Variants in TRPM3 observed in about 807,000 individuals in gnomAD.
TRPM3 encodes long transient receptor potential channel 3.
A neutral mutation model predicts 181.2 loss-of-function variants in TRPM3; 77 were observed. The ratio of observed to expected loss-of-function variants is 0.42; its 90% confidence interval spans 0.35 to 0.51. TRPM3 has a LOEUF of 0.51. Among genes scored for constraint, TRPM3 ranks in the 20% least tolerant of loss-of-function variants. The pLI, the probability that TRPM3 is intolerant of heterozygous loss-of-function variation, is 0.01. For missense variants in TRPM3, 1,759 were observed against 2,196.7 expected, an observed-to-expected ratio of 0.80 and a Z score of 3.98; for synonymous variants, 745 against 796.4, an observed-to-expected ratio of 0.94 and a Z score of 1.09.
At chr9:70,538,865 G>A (rs889330791) in intron 25 of TRPM3, among the ~76,000 whole-genome samples, 2 of 152,210 alleles carry the variant, frequency 1.3e-5, no homozygotes, top group Non-Finnish European at 2.9e-5. Flanking sequence ...ATTTAAGACA[G>A]AGGCCACATA....
intron 1 of TRPM3, among the ~76,000 whole-genome samples, chr9:71,156,504 C>G (rs141352162): frequency 6.6e-6 from 1 of 151,672 alleles, no homozygotes; most frequent in Non-Finnish European, 1.5e-5. Context: ...ACAGCCTGGT[C>G]TTTTCATCTA....
chr9:70,584,372 G>A (rs1368692150), intron 22 of TRPM3, among the ~76,000 whole-genome samples: 1 of 152,104 alleles, frequency 6.6e-6, no homozygotes, highest in Non-Finnish European at 1.5e-5. Context: ...CCAAACCACT[G>A]TTTTTCACTC....
intron 1 of TRPM3, among the ~76,000 whole-genome samples, chr9:71,428,021 G>A (rs1367984057): frequency 6.6e-6 from 1 of 152,198 alleles, no homozygotes. Context: ...TCCTAACACT[G>A]CTACAGAGAT....
intron 1 of TRPM3, among the ~76,000 whole-genome samples, chr9:71,149,349 G>C (rs2075603822): frequency 6.6e-6 from 1 of 152,166 alleles, no homozygotes. Context: ...GCTGCAGTGA[G>C]CCATGATCAT....
intron 6 of TRPM3, among the ~76,000 whole-genome samples, chr9:70,791,215 A>C (rs2085307881): frequency 6.6e-6 from 1 of 152,218 alleles, no homozygotes; most frequent in Non-Finnish European, 1.5e-5. Flanking sequence ...GACCCAATGC[A>C]AACCAATCCT....
chr9:70,666,217 CTT>C (rs1328759109), intron 9 of TRPM3, among the ~76,000 whole-genome samples: 1 of 152,206 alleles, frequency 6.6e-6, no homozygotes. Flanking sequence ...AGGCAGAAGC[CTT>C]AGCAAGGTCT....
At chr9:71,219,877 G>A (rs1485895630) in intron 1 of TRPM3, among the ~76,000 whole-genome samples, 1 of 152,204 alleles carries the variant, frequency 6.6e-6, no homozygotes, top group Non-Finnish European at 1.5e-5. Flanking sequence ...CTGTCTGATA[G>A]TGTGTACAAA....
At chr9:70,800,038 T>C (rs2088454967) in intron 6 of TRPM3, among the ~76,000 whole-genome samples, 1 of 152,236 alleles carries the variant, frequency 6.6e-6, no homozygotes, top group South Asian at 2.1e-4. Flanking sequence ...ACATTTGCTT[T>C]GCAGCAGCAT....
Position 70,591,200 on chromosome 9 carries a change from T to C in TRPM3, c.3054A>G (p.Ile1018Met), listed in dbSNP as rs1395959785. ...TAATGATGACAAAGTACATCATGTC[T>C]ATCATCTGGAAGGGTGGGGAAGCAG... ...PYVMMIGKMM[I>M]DMMYFVIIML... The change falls in exon 22 of 26, where the codon ATA becomes ATG. Residue 1018 changes from isoleucine (I) to methionine (M), a missense_variant. Transcript: ENST00000677713. 6.2e-7 allele frequency: 1 copy of C among 1,613,754 alleles called. No homozygotes were observed. The highest frequency in any genetic ancestry group is 1.7e-5 in the Admixed American group (1 of 60,008).
At chr9:70,912,393 T>C (rs7037861) in intron 1 of TRPM3, among the ~76,000 whole-genome samples, 2,958 of 152,276 alleles carry the variant, frequency 0.019, 113 homozygotes, top group African/African-American at 0.067. Context: ...AAAAATAATT[T>C]TGACATCTGA....
intron 1 of TRPM3, among the ~76,000 whole-genome samples, chr9:71,437,566 T>G (rs1477239456): frequency 6.6e-6 from 1 of 152,112 alleles, no homozygotes; most frequent in Non-Finnish European, 1.5e-5. Flanking sequence ...AGAGACCTTA[T>G]AGCCTGCAAA....
At chr9:70,768,726 A>G (rs1230564567) in intron 7 of TRPM3, among the ~76,000 whole-genome samples, 2 of 152,052 alleles carry the variant, frequency 1.3e-5, no homozygotes, top group African/African-American at 4.8e-5. Flanking sequence ...CAAGAAGTGA[A>G]TTGGCCACCC....
At chr9:71,116,570 T>C (rs565126592) in intron 1 of TRPM3, among the ~76,000 whole-genome samples, 1 of 152,324 alleles carries the variant, frequency 6.6e-6, no homozygotes, top group East Asian at 1.9e-4. Flanking sequence ...TATGGAATTA[T>C]AGAAGTGTAA....
intron 9 of TRPM3, among the ~76,000 whole-genome samples, chr9:70,679,577 C>A (rs1380583867): frequency 6.6e-6 from 1 of 152,114 alleles, no homozygotes; most frequent in African/African-American, 2.4e-5. Context: ...TTTTTTATCT[C>A]CATACATAAG....
intron 1 of TRPM3, among the ~76,000 whole-genome samples, chr9:71,063,471 G>A (rs558493101): frequency 6.6e-6 from 1 of 152,254 alleles, no homozygotes; most frequent in South Asian, 2.1e-4. Flanking sequence ...GGACTGTGTT[G>A]TTAAGTAACA....
In TRPM3 at chr9:71,382,542, G is replaced by C. The variant is rs548118586; in HGVS notation, c.183+64111C>G. ...AAACCAACCAGTTCACACACATAAG[G>C]CTATATGAAAAGCAACTACTAAAAA... is the stretch of plus-strand genomic sequence containing the variant. On this transcript the variant is annotated intron_variant, in intron 1 of 24. Coordinates refer to the TRPM3 transcript ENST00000357533. Among the ~76,000 whole-genome samples the C allele has an allele frequency of 5.3e-5, 8 of 152,120 alleles. 1 individual carries two copies. In the East Asian group the frequency reaches 1.2e-3, roughly 22 times the overall value.
rs534213284 is a variant in TRPM3, at chr9:71,121,463, C to T, written c.-109G>A. The T allele has an allele frequency of 4.8e-6, 7 of 1,457,642 alleles. No homozygotes were observed. The East Asian group carries it at 1.7e-4, about 36-fold the overall frequency. 90.3% of individuals were successfully genotyped at this position (1,457,642 alleles called of 1,614,324 possible). A position where few individuals can be genotyped will look rare whatever the true frequency, so the allele number is the denominator to read the frequency against. ...AGCCCCTGAACCTTCTTAAAACAGCCACCTCCCCTCTCTCTGCAGCCGTGC... is the reference window on the plus strand; with the variant it reads ...AGCCCCTGAACCTTCTTAAAACAGCTACCTCCCCTCTCTCTGCAGCCGTGC... On this transcript the variant is annotated 5_prime_UTR_variant, in exon 1 of 26. Coordinates refer to ENST00000677713, the MANE Select transcript of TRPM3 (RefSeq NM_001366145.2).
intron 1 of TRPM3, among the ~76,000 whole-genome samples, chr9:71,012,059 A>C (rs2134382985): frequency 6.6e-6 from 1 of 152,210 alleles, no homozygotes; most frequent in Admixed American, 6.5e-5. Context: ...CTGGGATTAC[A>C]GGCATGAGCC....
At chr9:70,547,780 A>G (rs796378740) in intron 25 of TRPM3, among the ~76,000 whole-genome samples, 31 of 152,254 alleles carry the variant, frequency 2.0e-4, no homozygotes, top group African/African-American at 7.0e-4. Flanking sequence ...CACCTTGGCC[A>G]TCCTCTTTGA....
Sources: allele counts gnomAD v4.1 joint callset (sites outside exome capture counted in the v4.1 genomes callset), GRCh38; gene constraint gnomAD v4.1.1; transcripts MANE v1.5; gene names NCBI Gene and HGNC (gene_info 2026-07-23, HGNC 2026-07-21).